The following PKIA variants were observed in gnomAD, a reference collection of about 807,000 sequenced individuals.
PKIA encodes the protein cAMP-dependent protein kinase inhibitor alpha.
A neutral mutation model predicts 7.6 loss-of-function variants in PKIA; 4 were observed. The ratio of observed to expected loss-of-function variants is 0.52; its 90% CI spans 0.26 to 1.20. The LOEUF (loss-of-function observed/expected upper bound fraction) is 1.20, where lower values mean the gene tolerates loss of function less well. Among genes scored for constraint, PKIA ranks in the 50% most tolerant of loss-of-function variants. The probability of loss-of-function intolerance (pLI) is 0.13; values close to 1 mark genes in which losing one functional copy is unlikely to be tolerated. For missense variants in PKIA, 73 were observed against 86.2 expected, an observed-to-expected ratio of 0.85 and a Z score of 0.61; for synonymous variants, 21 against 30.7, an observed-to-expected ratio of 0.68 and a Z score of 1.04.
At chr8:78,582,683 T>A (rs58716814) in intron 2 of PKIA, among the ~76,000 whole-genome samples, 5,319 of 152,184 alleles carry the variant, frequency 0.035, 98 homozygotes, top group African/African-American at 0.044. Flanking sequence ...AGAATGAAAA[T>A]ACGTTCTTCA....
chr8:78,571,476 A>G (rs1807546234), intron 1 of PKIA, among the ~76,000 whole-genome samples: 1 of 152,136 alleles, frequency 6.6e-6, no homozygotes, highest in African/African-American at 2.4e-5. Flanking sequence ...GCAGGAGATA[A>G]CATATCTGGC....
chr8:78,545,938 C>A (rs546200662), intron 1 of PKIA, among the ~76,000 whole-genome samples: 7 of 152,084 alleles, frequency 4.6e-5, no homozygotes, highest in Non-Finnish European at 8.8e-5. Context: ...GTCCAAACTT[C>A]CTGCAAAGAT....
Position 78,552,574 on chromosome 8 carries a change from C to A in PKIA, c.-156-20237C>A, listed in dbSNP as rs550806388. On this transcript the variant is annotated intron_variant, in intron 1 of 3. Coordinates refer to ENST00000396418, the MANE Select transcript of PKIA (RefSeq NM_006823.4). Reference sequence around the variant, plus strand: ...AGTTTATCATTAAGCCCTAACAAGACTGCAAAGTTGCTTAGCAACAGAATC... The same window carrying A: ...AGTTTATCATTAAGCCCTAACAAGAATGCAAAGTTGCTTAGCAACAGAATC... 2.4e-4 allele frequency among the ~76,000 whole-genome samples: 36 copies of A among 152,088 alleles called. No homozygotes were observed. In the South Asian group the frequency reaches 6.6e-3, roughly 28 times the overall value.
chr8:78,604,191 A>G lies in PKIA; in HGVS notation c.*2370A>G, dbSNP rs2130306593. The G allele has an allele frequency of 6.6e-6, 1 of 152,162 alleles. No individual in the cohort carries two copies. Among genetic ancestry groups the G allele is most frequent in the East Asian group, 1.9e-4 (1 of 5,184 alleles). 9.4% of individuals were successfully genotyped at this position (152,162 alleles called of 1,614,324 possible). On this transcript the variant is annotated 3_prime_UTR_variant, in exon 4 of 4. Coordinates refer to ENST00000396418, the MANE Select transcript of PKIA (RefSeq NM_006823.4). ...CAGGGCCTTGGGTTTAGTAACAGGC[A>G]TTGGATGTCTATTAACCAACTATTC... is the stretch of plus-strand genomic sequence containing the variant.
intron 1 of PKIA, chr8:78,535,915 A>G (rs1044587976): frequency 4.6e-5 from 7 of 152,064 alleles, no homozygotes; most frequent in Non-Finnish European, 8.8e-5. Context: ...CCTGGAACCA[A>G]TCGCCCCATG....
chr8:78,540,338 C>T (rs1232785352), intron 1 of PKIA, among the ~76,000 whole-genome samples: 1 of 151,912 alleles, frequency 6.6e-6, no homozygotes, highest in Non-Finnish European at 1.5e-5. Context: ...TATAGATAGT[C>T]CCTCAAATAG....
intron 1 of PKIA, among the ~76,000 whole-genome samples, chr8:78,569,396 C>T (rs1007593672): frequency 6.6e-6 from 1 of 152,096 alleles, no homozygotes; most frequent in Non-Finnish European, 1.5e-5. Context: ...TAAACTTCTA[C>T]CTCATCTGTC....
At chr8:78,601,635 G>T in intron 3 of PKIA, 107 bp from the exon 4 acceptor site, 1 of 809,294 alleles carries the variant, frequency 1.2e-6, no homozygotes. Flanking sequence ...CAAGGTTTCA[G>T]GCCTATTTAG....
At chr8:78,551,766 C>T (rs1806988909) in intron 1 of PKIA, among the ~76,000 whole-genome samples, 1 of 151,928 alleles carries the variant, frequency 6.6e-6, no homozygotes, top group Non-Finnish European at 1.5e-5. Context: ...TTTGGATGGT[C>T]ATTGAGATGG....
intron 2 of PKIA, among the ~76,000 whole-genome samples, chr8:78,573,469 A>C (rs1807603326): frequency 6.6e-6 from 1 of 151,810 alleles, no homozygotes; most frequent in South Asian, 2.1e-4. Context: ...GTGAAAGGGG[A>C]GCTCTGTTTT....
At chr8:78,598,597 G>C (rs1258963531) in intron 3 of PKIA, 62 bp downstream of exon 3, 15 of 1,341,490 alleles carry the variant, frequency 1.1e-5, no homozygotes, top group Middle Eastern at 1.8e-4. Context: ...TTTACTAAGA[G>C]GGATTAAGGC....
At chr8:78,520,687 T>G (rs548397039) in intron 1 of PKIA, among the ~76,000 whole-genome samples, 2 of 152,166 alleles carry the variant, frequency 1.3e-5, no homozygotes, top group Admixed American at 1.3e-4. Flanking sequence ...TTTTAAACTT[T>G]TAGGTTAACA....
At chr8:78,524,069 TATATATAAATATAAATAA>T (rs1809485763) in intron 1 of PKIA, among the ~76,000 whole-genome samples, 3 of 83,862 alleles carry the variant, frequency 3.6e-5, no homozygotes, top group African/African-American at 2.2e-4. Flanking sequence ...CATTTATATT[TATATATAAATATAAATAA>T]ACATTTATAT....
At chr8:78,517,527 C>A (rs1402369795) in intron 1 of PKIA, among the ~76,000 whole-genome samples, 1 of 152,136 alleles carries the variant, frequency 6.6e-6, no homozygotes, top group East Asian at 1.9e-4. Context: ...CAGAGGAGTC[C>A]GTTTGCCTCT....
chr8:78,584,662 A>G (rs1237367891), intron 2 of PKIA, among the ~76,000 whole-genome samples: 2 of 152,132 alleles, frequency 1.3e-5, no homozygotes, highest in African/African-American at 4.8e-5. Flanking sequence ...TAAATATGAA[A>G]GACATTCTAT....
chr8:78,553,118 C>T (rs1019002235), intron 1 of PKIA, among the ~76,000 whole-genome samples: 3 of 148,542 alleles, frequency 2.0e-5, no homozygotes, highest in African/African-American at 7.4e-5. Flanking sequence ...CTGAAAAGCA[C>T]TGTCTCTTTT....
chr8:78,560,996 A>G (rs765566894), intron 1 of PKIA, among the ~76,000 whole-genome samples: 1 of 152,184 alleles, frequency 6.6e-6, no homozygotes, highest in East Asian at 1.9e-4. Context: ...TTGAGAATAT[A>G]TGAGCTCTAT....
intron 1 of PKIA, among the ~76,000 whole-genome samples, chr8:78,540,583 G>C (rs574963879): frequency 6.6e-5 from 10 of 152,156 alleles, no homozygotes; most frequent in African/African-American, 2.4e-4. Context: ...AAAGCAGTCA[G>C]AAGTCACCAG....
At chr8:78,589,095 A>C (rs1808029881) in intron 2 of PKIA, among the ~76,000 whole-genome samples, 1 of 152,138 alleles carries the variant, frequency 6.6e-6, no homozygotes, top group Non-Finnish European at 1.5e-5. Flanking sequence ...CAAGAGCACC[A>C]GTCAGGTATT....
Sources: allele counts gnomAD v4.1 joint callset (sites outside exome capture counted in the v4.1 genomes callset), GRCh38; gene constraint gnomAD v4.1.1; transcripts MANE v1.5; gene names NCBI Gene and HGNC (gene_info 2026-07-23, HGNC 2026-07-21).